FHOD3: variants seen among roughly 807,000 people sequenced by gnomAD.
FHOD3 encodes FH1/FH2 domain-containing protein 3.
In FHOD3, 90 loss-of-function variants were observed where a neutral mutation model predicts 173.0. The ratio of observed to expected loss-of-function variants is 0.52; its 90% CI spans 0.44 to 0.62. The LOEUF is 0.62. Ranked by LOEUF, FHOD3 falls within the 20% of genes least tolerant of loss-of-function variation. The pLI is 0.00. For missense variants in FHOD3, 1,945 were observed against 2,034.7 expected (o/e 0.96, Z 0.85); for synonymous variants, 828 against 823.0 (o/e 1.01, Z -0.10).
At chr18:36,685,013 C>G (rs548512600) in intron 15 of FHOD3, among the ~76,000 whole-genome samples, 126 of 152,214 alleles carry the variant, frequency 8.3e-4, no homozygotes, top group Non-Finnish European at 1.6e-3. Flanking sequence ...CTGTGTTGCC[C>G]AGGCTGGTTT....
At chr18:36,378,971 C>T (rs1201360040) in intron 3 of FHOD3, among the ~76,000 whole-genome samples, 1 of 152,202 alleles carries the variant, frequency 6.6e-6, no homozygotes, top group Non-Finnish European at 1.5e-5. Context: ...AGGCATGAGC[C>T]ACCGTGTCTG....
chr18:36,719,812 G>A (rs1479996098), intron 19 of FHOD3, among the ~76,000 whole-genome samples: 1 of 152,172 alleles, frequency 6.6e-6, no homozygotes. Flanking sequence ...CAGTGACAGA[G>A]TTAGTGCCTG....
chr18:36,510,275 C>T (rs570655176), intron 4 of FHOD3, among the ~76,000 whole-genome samples: 5 of 152,296 alleles, frequency 3.3e-5, no homozygotes, highest in African/African-American at 1.2e-4. Flanking sequence ...TCATTCTATT[C>T]TGAAACCAAT....
chr18:36,306,153 T>A (rs982669456), intron 1 of FHOD3, among the ~76,000 whole-genome samples: 2 of 152,228 alleles, frequency 1.3e-5, no homozygotes, highest in African/African-American at 2.4e-5. Flanking sequence ...ACATATGTGC[T>A]TGCAGCTGGA....
chr18:36,742,528 C>G (rs1254416513), intron 21 of FHOD3, among the ~76,000 whole-genome samples: 2 of 152,120 alleles, frequency 1.3e-5, no homozygotes, highest in African/African-American at 4.8e-5. Context: ...GTCACCCCAG[C>G]ACAAGGTCCT....
intron 3 of FHOD3, among the ~76,000 whole-genome samples, chr18:36,383,525 C>T (rs1324617711): frequency 2.0e-5 from 3 of 152,196 alleles, no homozygotes; most frequent in Non-Finnish European, 4.4e-5. Context: ...AGCTAAACAG[C>T]AGAGCTCAGA....
chr18:36,443,983 A>C (rs950253512), intron 3 of FHOD3, among the ~76,000 whole-genome samples: 4 of 152,158 alleles, frequency 2.6e-5, no homozygotes, highest in Non-Finnish European at 4.4e-5. Context: ...AGGCAGGCAG[A>C]TCACGAGGTC....
chr18:36,762,995 ATTATATACGTTATATATGC>A (rs2042955134), intron 27 of FHOD3, among the ~76,000 whole-genome samples: 1 of 148,242 alleles, frequency 6.7e-6, no homozygotes, highest in African/African-American at 2.5e-5. Flanking sequence ...ATATATGCGT[ATTATATACGTTATATATGC>A]GTATTATACA....
At chr18:36,727,354 G>A (rs1302266101) in intron 19 of FHOD3, among the ~76,000 whole-genome samples, 1 of 152,096 alleles carries the variant, frequency 6.6e-6, no homozygotes, top group Non-Finnish European at 1.5e-5. Flanking sequence ...GGGAAGGAGA[G>A]AGTTGGACAG....
chr18:36,709,484 T>G, intron 18 of FHOD3, 93 bp downstream of exon 18: 1 of 1,382,176 alleles, frequency 7.2e-7, no homozygotes, highest in South Asian at 1.4e-5. Context: ...GGCTGGCCTC[T>G]GAGGTGACCT....
At chr18:36,734,001 G>C (rs1310001722) in intron 20 of FHOD3, among the ~76,000 whole-genome samples, 1 of 152,096 alleles carries the variant, frequency 6.6e-6, no homozygotes, top group Non-Finnish European at 1.5e-5. Flanking sequence ...GCCTGGGTTT[G>C]TGTGCTGCAG....
intron 3 of FHOD3, among the ~76,000 whole-genome samples, chr18:36,376,017 G>C (rs139879016): frequency 6.6e-6 from 1 of 152,190 alleles, no homozygotes. Flanking sequence ...GAATTAAGAC[G>C]TATGATAGAC....
At chr18:36,436,958 A>T (rs1351330465) in intron 3 of FHOD3, among the ~76,000 whole-genome samples, 1 of 152,248 alleles carries the variant, frequency 6.6e-6, no homozygotes, top group Non-Finnish European at 1.5e-5. Context: ...ATACAGAAAC[A>T]ACTTAGACAT....
At chr18:36,329,990 G>C (rs538494952) in intron 1 of FHOD3, among the ~76,000 whole-genome samples, 2 of 152,188 alleles carry the variant, frequency 1.3e-5, no homozygotes, top group Non-Finnish European at 2.9e-5. Flanking sequence ...GATGAGTCAG[G>C]TCTACCAGGG....
intron 3 of FHOD3, among the ~76,000 whole-genome samples, chr18:36,408,564 G>A (rs894585607): frequency 6.6e-6 from 1 of 152,112 alleles, no homozygotes; most frequent in Non-Finnish European, 1.5e-5. Flanking sequence ...GCAAACAGAG[G>A]TAGCTCCATC....
chr18:36,638,939 C>T (rs1400241502), intron 10 of FHOD3, among the ~76,000 whole-genome samples: 3 of 152,270 alleles, frequency 2.0e-5, no homozygotes, highest in African/African-American at 7.2e-5. Flanking sequence ...CTGGAAGTGA[C>T]AAAACATGTC....
chr18:36,388,818 A>G (rs2048155703), intron 3 of FHOD3, among the ~76,000 whole-genome samples: 1 of 152,230 alleles, frequency 6.6e-6, no homozygotes, highest in Non-Finnish European at 1.5e-5. Context: ...AGTTTCTGTT[A>G]AGTTCATATT....
intron 20 of FHOD3, among the ~76,000 whole-genome samples, chr18:36,734,806 A>G (rs1463317755): frequency 6.6e-6 from 1 of 152,184 alleles, no homozygotes; most frequent in Non-Finnish European, 1.5e-5. Flanking sequence ...GGATGCAAGC[A>G]CTGTAGCCTG....
intron 3 of FHOD3, among the ~76,000 whole-genome samples, chr18:36,403,198 C>T (rs141757834): frequency 1.2e-3 from 185 of 152,274 alleles, no homozygotes; most frequent in African/African-American, 4.3e-3. Context: ...TCCTCTCTCC[C>T]CTAGGGGGCT....
Sources: gnomAD v4.1 joint callset for allele counts (sites outside exome capture counted in the v4.1 genomes callset) on GRCh38, gnomAD v4.1.1 for gene constraint, MANE v1.5 for transcripts, NCBI Gene and HGNC (gene_info 2026-07-23, HGNC 2026-07-21) for gene names.